The following DCLK2 variants were observed in gnomAD, a reference collection of about 807,000 sequenced individuals.
The protein encoded by DCLK2 is doublecortin like kinase 2.
A neutral mutation model predicts 78.4 loss-of-function variants in DCLK2; 31 were observed. The ratio of observed to expected loss-of-function variants is 0.40; its 90% CI spans 0.30 to 0.53. The LOEUF is 0.53. Among genes scored for constraint, DCLK2 ranks in the 20% least tolerant of loss-of-function variants. DCLK2 has a pLI of 0.61. For synonymous variants in DCLK2, 407 were observed against 374.9 expected, an observed-to-expected ratio of 1.09 and a Z score of -0.99; for missense variants, 872 against 973.7, an observed-to-expected ratio of 0.90 and a Z score of 1.39.
At chr4:150,111,674 A>G (rs1359826769) in intron 2 of DCLK2, among the ~76,000 whole-genome samples, 1 of 152,054 alleles carries the variant, frequency 6.6e-6, no homozygotes, top group East Asian at 1.9e-4. Flanking sequence ...GGGGTAGGGA[A>G]TCCAGTTTCA....
At chr4:150,171,009 G>T (rs1453616757) in intron 2 of DCLK2, among the ~76,000 whole-genome samples, 1 of 152,154 alleles carries the variant, frequency 6.6e-6, no homozygotes, top group African/African-American at 2.4e-5. Context: ...AATGCCCTCA[G>T]CATACATTCT....
At chr4:150,252,391 T>G (rs1401107372) in intron 15 of DCLK2, among the ~76,000 whole-genome samples, 1 of 152,090 alleles carries the variant, frequency 6.6e-6, no homozygotes. Context: ...GGAAGAACCT[T>G]TAACCGCCCT....
At chr4:150,231,610 G>T (rs1742067308) in intron 8 of DCLK2, among the ~76,000 whole-genome samples, 1 of 152,170 alleles carries the variant, frequency 6.6e-6, no homozygotes, top group Non-Finnish European at 1.5e-5. Context: ...CGTTAATTCT[G>T]TAAGTAAACA....
chr4:150,224,420 T>C, intron 7 of DCLK2, 81 bp from the exon 8 acceptor site: 1 of 1,340,754 alleles, frequency 7.5e-7, no homozygotes, highest in Non-Finnish European at 1.0e-6. Flanking sequence ...AAAAAAAAAT[T>C]AAAGTATAAA....
chr4:150,142,374 A>G (rs1167147741), intron 2 of DCLK2, among the ~76,000 whole-genome samples: 1 of 152,208 alleles, frequency 6.6e-6, no homozygotes, highest in Non-Finnish European at 1.5e-5. Context: ...CTGAAGGGTA[A>G]TGGTACATAA....
intron 2 of DCLK2, among the ~76,000 whole-genome samples, chr4:150,188,227 A>G (rs1476935981): frequency 2.6e-5 from 4 of 152,130 alleles, no homozygotes; most frequent in Non-Finnish European, 5.9e-5. Flanking sequence ...TCATCCCAAC[A>G]CTTTGAGAGG....
At chr4:150,150,746 T>A (rs1018213202) in intron 2 of DCLK2, among the ~76,000 whole-genome samples, 7 of 152,184 alleles carry the variant, frequency 4.6e-5, no homozygotes, top group Non-Finnish European at 7.3e-5. Flanking sequence ...TAGAGTGAAA[T>A]TATAGCTCAG....
intron 2 of DCLK2, among the ~76,000 whole-genome samples, chr4:150,160,971 A>G (rs947429254): frequency 1.7e-4 from 26 of 152,312 alleles, no homozygotes; most frequent in Admixed American, 9.8e-4. Flanking sequence ...AATTAATAAT[A>G]TAATCTGTCC....
intron 2 of DCLK2, among the ~76,000 whole-genome samples, chr4:150,189,588 G>A (rs181828605): frequency 1.3e-5 from 2 of 152,198 alleles, no homozygotes; most frequent in Admixed American, 1.3e-4. Context: ...TAACCTCGTG[G>A]GATTGTTGTA....
intron 5 of DCLK2, among the ~76,000 whole-genome samples, chr4:150,208,035 G>T (rs554957422): frequency 2.0e-5 from 3 of 152,152 alleles, no homozygotes. Flanking sequence ...CGGCTCAACC[G>T]ACTTGATAGG....
chr4:150,175,072 A>T (rs1205134203), intron 2 of DCLK2, among the ~76,000 whole-genome samples: 5 of 8,068 alleles, frequency 6.2e-4, no homozygotes, highest in African/African-American at 1.3e-3. Context: ...ATTTATATAT[A>T]TTTATATATT....
At chr4:150,250,061 A>G (rs1379082199) in intron 15 of DCLK2, among the ~76,000 whole-genome samples, 1 of 152,220 alleles carries the variant, frequency 6.6e-6, no homozygotes, top group African/African-American at 2.4e-5. Flanking sequence ...ATAGATTATT[A>G]GAGATGTGAA....
intron 2 of DCLK2, among the ~76,000 whole-genome samples, chr4:150,169,755 T>G (rs2150256800): frequency 6.6e-6 from 1 of 152,302 alleles, no homozygotes; most frequent in South Asian, 2.1e-4. Flanking sequence ...AGAAACAGTT[T>G]TATTGGTTAC....
intron 1 of DCLK2, among the ~76,000 whole-genome samples, chr4:150,093,866 T>C (rs1479071480): frequency 6.6e-6 from 1 of 152,072 alleles, no homozygotes; most frequent in East Asian, 1.9e-4. Flanking sequence ...AACAGACACA[T>C]GGAACAATGT....
chr4:150,221,595 C>A, intron 6 of DCLK2, 82 bp from the exon 7 acceptor site: 1 of 804,128 alleles, frequency 1.2e-6, no homozygotes, highest in Non-Finnish European at 1.9e-6. Context: ...AAATGCATCG[C>A]AGTTTACTAT....
intron 4 of DCLK2, among the ~76,000 whole-genome samples, chr4:150,201,803 C>T (rs1739469194): frequency 3.0e-5 from 1 of 33,828 alleles, no homozygotes; most frequent in South Asian, 9.7e-4. Flanking sequence ...GGAGAAAATA[C>T]CAAAAAAAAA....
chr4:150,233,395 G>A (rs1742231527), intron 10 of DCLK2, among the ~76,000 whole-genome samples: 1 of 152,150 alleles, frequency 6.6e-6, no homozygotes, highest in Non-Finnish European at 1.5e-5. Flanking sequence ...CATGTCACCA[G>A]ATACAAGAAA....
At chr4:150,187,052 C>G (rs1254822794) in intron 2 of DCLK2, among the ~76,000 whole-genome samples, 1 of 152,150 alleles carries the variant, frequency 6.6e-6, no homozygotes, top group Non-Finnish European at 1.5e-5. Context: ...GCTTACAATT[C>G]TGTTTATTTA....
intron 5 of DCLK2, among the ~76,000 whole-genome samples, chr4:150,214,701 C>A (rs1740550541): frequency 6.6e-6 from 1 of 152,084 alleles, no homozygotes; most frequent in Non-Finnish European, 1.5e-5. Context: ...ATGGCTCACA[C>A]CTGTAAACTC....
Sources: gnomAD v4.1 joint callset for allele counts (sites outside exome capture counted in the v4.1 genomes callset) on GRCh38, gnomAD v4.1.1 for gene constraint, MANE v1.5 for transcripts, NCBI Gene and HGNC (gene_info 2026-07-23, HGNC 2026-07-21) for gene names.